CACHD1: variants seen among roughly 807,000 people sequenced by gnomAD.
CACHD1 encodes the protein cache domain containing 1.
In CACHD1, 71 loss-of-function variants were observed where a neutral mutation model predicts 138.7. The observed-to-expected ratio is 0.51, with a 90% CI of 0.42 to 0.62. CACHD1 has a LOEUF of 0.62. Ranked by LOEUF, CACHD1 falls within the 20% of genes least tolerant of loss-of-function variation. The pLI is 0.00. For missense variants in CACHD1, 1,389 were observed against 1,625.3 expected, an observed-to-expected ratio of 0.85 and a Z score of 2.50; for synonymous variants, 578 against 591.5, an observed-to-expected ratio of 0.98 and a Z score of 0.33.
At chr1:64,552,080 A>G (rs1026770821) in intron 2 of CACHD1, among the ~76,000 whole-genome samples, 1 of 152,248 alleles carries the variant, frequency 6.6e-6, no homozygotes, top group Non-Finnish European at 1.5e-5. Context: ...ATCCAGGGAT[A>G]TCAGTTTTGC....
At chr1:64,527,739 G>T (rs1646552130) in intron 1 of CACHD1, among the ~76,000 whole-genome samples, 1 of 152,068 alleles carries the variant, frequency 6.6e-6, no homozygotes, top group African/African-American at 2.4e-5. Context: ...TCTATAAAAA[G>T]ATTATATTTT....
chr1:64,570,020 C>T (rs749882096), intron 2 of CACHD1, among the ~76,000 whole-genome samples: 1 of 152,172 alleles, frequency 6.6e-6, no homozygotes. Flanking sequence ...CTACCTGACT[C>T]CATCCTCCAC....
intron 26 of CACHD1, among the ~76,000 whole-genome samples, chr1:64,683,031 GA>G (rs935031601): frequency 8.1e-5 from 12 of 148,170 alleles, no homozygotes; most frequent in African/African-American, 2.5e-4. Context: ...ACCTATCCTG[GA>G]AAAAAAAAGT....
At chr1:64,590,639 G>A (rs1647091855) in intron 3 of CACHD1, among the ~76,000 whole-genome samples, 1 of 151,990 alleles carries the variant, frequency 6.6e-6, no homozygotes, top group Non-Finnish European at 1.5e-5. Context: ...CATTCTTAAG[G>A]GACTTAGCTT....
intron 26 of CACHD1, among the ~76,000 whole-genome samples, chr1:64,685,101 G>A (rs549180376): frequency 2.4e-4 from 37 of 152,264 alleles, no homozygotes; most frequent in Admixed American, 9.1e-4. Context: ...GAGCCACTGC[G>A]CCCGGCCACA....
chr1:64,498,260 A>T (rs1646317053), intron 1 of CACHD1, among the ~76,000 whole-genome samples: 1 of 152,246 alleles, frequency 6.6e-6, no homozygotes, highest in African/African-American at 2.4e-5. Context: ...ATGCTAACTC[A>T]TGCAACTTGT....
At chr1:64,612,052 A>C (rs1162412249) in intron 4 of CACHD1, among the ~76,000 whole-genome samples, 3 of 152,124 alleles carry the variant, frequency 2.0e-5, no homozygotes, top group Non-Finnish European at 4.4e-5. Context: ...CCAAACACTT[A>C]ATGCATCAGA....
chr1:64,582,137 GCTCA>G lies in CACHD1; in HGVS notation c.262-16_262-13del, dbSNP rs1352019236. 15 of 1,611,988 alleles carry G rather than the reference GCTCA, an allele frequency of 9.3e-6. No homozygotes were observed. The highest frequency in any genetic ancestry group is 1.3e-5 in the African/African-American group (1 of 74,844). On this transcript the variant is annotated splice_polypyrimidine_tract_variant and intron_variant, in intron 2 of 26. Transcript: ENST00000651257. ...TTGTCTTGGACTTTCGATTTATTTT[GCTCA>G]CTGTCATCCCACAGCTAGCCAAAAA...
At chr1:64,538,966 A>G (rs1646655787) in intron 1 of CACHD1, among the ~76,000 whole-genome samples, 1 of 152,158 alleles carries the variant, frequency 6.6e-6, no homozygotes, top group African/African-American at 2.4e-5. Flanking sequence ...CTCCAACACT[A>G]CTTCATGCAA....
intron 3 of CACHD1, among the ~76,000 whole-genome samples, chr1:64,584,152 T>A (rs1268584503): frequency 6.6e-6 from 1 of 152,144 alleles, no homozygotes; most frequent in African/African-American, 2.4e-5. Context: ...ATTTATGCAT[T>A]TTTCTCCTAG....
intron 13 of CACHD1, among the ~76,000 whole-genome samples, chr1:64,662,089 A>G (rs1422700537): frequency 6.6e-6 from 1 of 152,222 alleles, no homozygotes; most frequent in Non-Finnish European, 1.5e-5. Context: ...CAGCTGTGAA[A>G]TTAAACAGTG....
chr1:64,558,912 C>T (rs570736633), intron 2 of CACHD1, among the ~76,000 whole-genome samples: 1 of 152,244 alleles, frequency 6.6e-6, no homozygotes, highest in East Asian at 1.9e-4. Context: ...TATCACTGAT[C>T]ATTAGAGAAA....
rs375003563 is a variant in CACHD1, at chr1:64,652,229, G to A, written c.1459G>A (p.Val487Met). The change falls in exon 10 of 27, where the codon GTG becomes ATG. Residue 487 changes from valine (V) to methionine (M), a missense_variant. Val to Met is a conservative substitution (Grantham distance 21, BLOSUM62 1). This residue lies in a region of CACHD1 where 1,000 missense variants were observed against 1,114.7 expected (regional missense o/e 0.90). Coordinates refer to ENST00000651257, the MANE Select transcript of CACHD1 (RefSeq NM_020925.4). ...NLLLGIVGVD[V>M]NLAYILEDVT... ...ACTTCTGGGAATTGTAGGTGTGGAC[G>A]TGAATCTGGCTTACATTCTTGAAGA... The A allele has an allele frequency of 1.2e-5, 19 of 1,613,552 alleles. No homozygotes were observed. Among genetic ancestry groups the A allele is most frequent in the African/African-American group, 5.3e-5 (4 of 74,900 alleles).
At chr1:64,653,709 T>A (rs1193237505) in intron 10 of CACHD1, 49 bp from the exon 11 acceptor site, 1 of 1,591,578 alleles carries the variant, frequency 6.3e-7, no homozygotes, top group Non-Finnish European at 8.6e-7. Flanking sequence ...GATTCAGAAC[T>A]TCCTACAACA....
At chr1:64,632,335 T>C (rs926123744) in intron 5 of CACHD1, among the ~76,000 whole-genome samples, 1 of 151,082 alleles carries the variant, frequency 6.6e-6, no homozygotes, top group Non-Finnish European at 1.5e-5. Flanking sequence ...AAGGGTTTGC[T>C]CCTGAAAAAC....
chr1:64,536,400 G>T (rs1646632936), intron 1 of CACHD1, among the ~76,000 whole-genome samples: 1 of 152,136 alleles, frequency 6.6e-6, no homozygotes, highest in African/African-American at 2.4e-5. Context: ...TTACTTGGTG[G>T]GGAGAATAAT....
intron 16 of CACHD1, among the ~76,000 whole-genome samples, chr1:64,667,746 T>C (rs764998805): frequency 3.3e-5 from 5 of 152,212 alleles, no homozygotes; most frequent in Non-Finnish European, 5.9e-5. Context: ...GATGTTGTTA[T>C]AGTGCAGGGA....
intron 1 of CACHD1, among the ~76,000 whole-genome samples, chr1:64,489,375 G>A (rs1646261128): frequency 6.6e-6 from 1 of 152,118 alleles, no homozygotes; most frequent in South Asian, 2.1e-4. Context: ...CCATTTTTAA[G>A]TAGTGCAGAG....
At chr1:64,488,224 G>A (rs905665890) in intron 1 of CACHD1, among the ~76,000 whole-genome samples, 2 of 152,204 alleles carry the variant, frequency 1.3e-5, no homozygotes, top group Admixed American at 6.5e-5. Context: ...AAATCTATTC[G>A]GGACAGTTAT....
Sources: gnomAD v4.1 joint callset for allele counts (sites outside exome capture counted in the v4.1 genomes callset) on GRCh38, gnomAD v4.1.1 for gene constraint, gnomAD v4.1.1 regional missense constraint, MANE v1.5 for transcripts, NCBI Gene and HGNC (gene_info 2026-07-23, HGNC 2026-07-21) for gene names.